PSG5: variants seen among roughly 807,000 people sequenced by gnomAD.
PSG5 encodes the protein pregnancy-specific beta-1-glycoprotein 5.
A neutral mutation model predicts 37.7 loss-of-function variants in PSG5; 53 were observed. That is an observed-to-expected ratio of 1.41 (90% CI 1.13 to 1.77). PSG5 has a LOEUF of 1.77. Ranked by LOEUF, PSG5 falls within the 40% of genes most tolerant of loss-of-function variation. The pLI, the probability that PSG5 is intolerant of heterozygous loss-of-function variation, is 0.00. For synonymous variants in PSG5, 221 were observed against 155.4 expected (o/e 1.42, Z -3.14); for missense variants, 547 against 405.2 (o/e 1.35, Z -3.00).
rs780059186 is a variant in PSG5, at chr19:43,184,931, G to T, written c.281C>A (p.Ala94Glu). 3.1e-6 allele frequency: 5 copies of T among 1,612,578 alleles called. No homozygotes were observed. In the South Asian group the frequency reaches 5.5e-5, roughly 18 times the overall value. Residue 94 changes from alanine to glutamate, a missense_variant, in exon 2 of 6, where the codon GCA (alanine) becomes GAA (glutamate). Coordinates refer to ENST00000342951, the MANE Select transcript of PSG5 (RefSeq NM_002781.4). ...VDGQINIYGP[A>E]YTGRETVYSN... is the part of the protein sequence containing the mutation. Reference sequence around the variant, plus strand: ...ATATACTGTTTCTCGTCCAGTGTATGCAGGCCCATATATATTTATTTGACC... The same window carrying T: ...ATATACTGTTTCTCGTCCAGTGTATTCAGGCCCATATATATTTATTTGACC...
At chr19:43,169,499 A>C (rs921247903) in intron 5 of PSG5, among the ~76,000 whole-genome samples, 1 of 151,626 alleles carries the variant, frequency 6.6e-6, no homozygotes, top group Non-Finnish European at 1.5e-5. Flanking sequence ...GATGTGTAGG[A>C]AGACAGTTCT....
At chr19:43,169,494 G>C (rs1041154641) in intron 5 of PSG5, among the ~76,000 whole-genome samples, 1 of 151,636 alleles carries the variant, frequency 6.6e-6, no homozygotes, top group Non-Finnish European at 1.5e-5. Flanking sequence ...GCAGGGATGT[G>C]TAGGAAGACA....
At chr19:43,176,942 C>T (rs1293998666) in intron 2 of PSG5, among the ~76,000 whole-genome samples, 1 of 151,546 alleles carries the variant, frequency 6.6e-6, no homozygotes, top group Non-Finnish European at 1.5e-5. Flanking sequence ...TGGATCTTTC[C>T]AGAAATACAT....
chr19:43,178,995 G>T, intron 2 of PSG5: 2 of 1,612,760 alleles, frequency 1.2e-6, no homozygotes, highest in Non-Finnish European at 1.7e-6. Context: ...GGTCCTGTTG[G>T]TTTTGGACAG....
At chr19:43,175,052 A>G in intron 4 of PSG5, 163 bp downstream of exon 4, 16 of 1,535,188 alleles carry the variant, frequency 1.0e-5, no homozygotes, top group South Asian at 1.3e-5. Flanking sequence ...CAAGGAGAAG[A>G]GAGTTTGTAG....
At chr19:43,174,800 G>A in intron 4 of PSG5, 2 of 1,180,968 alleles carry the variant, frequency 1.7e-6, no homozygotes, top group Admixed American at 3.8e-5. Flanking sequence ...TCATTTGGGG[G>A]AAAAGTGTGA....
Position 43,176,113 on chromosome 19 carries a change from A to C in PSG5, c.466T>G (p.Ser156Ala). The C allele has an allele frequency of 6.2e-7, 1 of 1,611,040 alleles. No homozygotes were observed. ...LPKPYITINN[S>A]KPRENKDVLA... ...ACATCCTTATTCTCCCTGGGTTTTG[A>C]GTTGTTGATGGTGATGTAGGGCTTG... Residue 156 changes from serine (S) to alanine (A), a missense_variant, in exon 3 of 6, where the codon TCA (serine) becomes GCA (alanine). Ser to Ala is a moderately conservative substitution (Grantham distance 99). Transcript: ENST00000342951.
At chr19:43,180,775 A>G (rs1374266652) in intron 2 of PSG5, among the ~76,000 whole-genome samples, 1 of 145,750 alleles carries the variant, frequency 6.9e-6, no homozygotes, top group Non-Finnish European at 1.5e-5. Context: ...AAAGACGCCA[A>G]AGGTGATTTG....
rs768405469 is a variant in PSG5, at chr19:43,176,155, G to A, written c.431-7C>T. ...TAGGGCTTGGGCAGCTTCACTGTGTGGATAACAGAGAGAAGATTGTCCTGT... is the reference window on the plus strand; with the variant it reads ...TAGGGCTTGGGCAGCTTCACTGTGTAGATAACAGAGAGAAGATTGTCCTGT... On this transcript the variant is annotated splice_polypyrimidine_tract_variant and splice_region_variant and intron_variant, in intron 2 of 5. Coordinates refer to ENST00000342951, the MANE Select transcript of PSG5 (RefSeq NM_002781.4). The A allele has an allele frequency of 6.2e-7, 1 of 1,610,788 alleles. No individual in the cohort carries two copies. Among genetic ancestry groups the A allele is most frequent in the East Asian group, 2.2e-5 (1 of 44,864 alleles).
At position 43,170,046 on chromosome 19, in the gene PSG5, C is replaced by T. The variant is rs375878542; in HGVS notation, c.*40+9G>A. The stretch of plus-strand genomic sequence containing the variant: ...GCAGGAACCAGGATAAGAGAAAAGG[C>T]CATCATACCTGCCAGTCTTCCTGAA... On this transcript the variant is annotated intron_variant, in intron 5 of 5. Transcript: ENST00000342951. 1.2e-5 allele frequency: 17 copies of T among 1,477,372 alleles called. No homozygotes were observed. The highest frequency in any genetic ancestry group is 2.4e-5 in the East Asian group (1 of 42,044). 91.5% of individuals were successfully genotyped at this position (1,477,372 alleles called of 1,614,324 possible). A position where few individuals can be genotyped will look rare whatever the true frequency, so the allele number is the denominator to read the frequency against.
chr19:43,185,991 T>G (rs1236151945), intron 1 of PSG5, among the ~76,000 whole-genome samples: 1 of 151,220 alleles, frequency 6.6e-6, no homozygotes, highest in African/African-American at 2.4e-5. Context: ...CTTTTTATTT[T>G]TTTGAGACAG....
intron 4 of PSG5, among the ~76,000 whole-genome samples, chr19:43,173,172 G>T (rs990440650): frequency 2.0e-5 from 3 of 151,516 alleles, no homozygotes; most frequent in African/African-American, 7.3e-5. Flanking sequence ...GATATCCAAG[G>T]GCAAGAGAGT....
intron 4 of PSG5, chr19:43,174,269 A>C (rs1293182950): frequency 4.0e-6 from 1 of 251,456 alleles, no homozygotes; most frequent in Non-Finnish European, 6.3e-6. Flanking sequence ...AAGAGGAAAA[A>C]GTTCTGGAAA....
intron 2 of PSG5, 117 bp downstream of exon 2, chr19:43,184,665 G>A: frequency 1.3e-6 from 2 of 1,556,542 alleles, no homozygotes; most frequent in South Asian, 1.1e-5. Flanking sequence ...CCAAACCGCA[G>A]CATGGGACAT....
At chr19:43,168,574 G>C (rs1449256282) in intron 5 of PSG5, among the ~76,000 whole-genome samples, 1 of 151,448 alleles carries the variant, frequency 6.6e-6, no homozygotes, top group African/African-American at 2.4e-5. Flanking sequence ...GGGTTTCACC[G>C]TGTTAGCCAG....
At chr19:43,178,465 G>T (rs555225553) in intron 2 of PSG5, among the ~76,000 whole-genome samples, 2 of 151,762 alleles carry the variant, frequency 1.3e-5, no homozygotes, top group African/African-American at 2.4e-5. Context: ...AAATGGTGGG[G>T]GCATCCAGGC....
chr19:43,181,723 G>T (rs577695378), intron 2 of PSG5, among the ~76,000 whole-genome samples: 1 of 151,788 alleles, frequency 6.6e-6, no homozygotes, highest in Non-Finnish European at 1.5e-5. Context: ...AAAGTCCTGG[G>T]ATTATAGGCA....
chr19:43,175,896 C>G lies in PSG5; in HGVS notation c.683G>C (p.Ser228Thr). 6.2e-7 allele frequency: 1 copy of G among 1,612,500 alleles called. No homozygotes were observed. Among genetic ancestry groups the G allele is most frequent in the South Asian group, 1.1e-5 (1 of 91,052 alleles). ...EIRDRDGGMR[S>T]DPVTLNVLYG... is the part of the protein sequence containing the mutation. ...GAGGACATTCAGGGTGACTGGGTCA[C>G]TGCGCATGCCACCATCTCGGTCCCG... is the stretch of plus-strand genomic sequence containing the variant. The change falls in exon 3 of 6, where the codon AGT becomes ACT. Residue 228 changes from serine to threonine, a missense_variant. Coordinates refer to ENST00000342951, the MANE Select transcript of PSG5 (RefSeq NM_002781.4).
chr19:43,183,903 A>G (rs915010366), intron 2 of PSG5, among the ~76,000 whole-genome samples: 2 of 127,618 alleles, frequency 1.6e-5, no homozygotes, highest in Non-Finnish European at 3.3e-5. Flanking sequence ...CTAAGTGGCA[A>G]ATGGACTGTG....
Sources: allele counts gnomAD v4.1 joint callset (sites outside exome capture counted in the v4.1 genomes callset), GRCh38; gene constraint gnomAD v4.1.1; transcripts MANE v1.5; gene names NCBI Gene and HGNC (gene_info 2026-07-23, HGNC 2026-07-21).